Variants in CNTN4 observed in about 807,000 individuals in gnomAD.
The protein encoded by CNTN4 is contactin 4.
A neutral mutation model predicts 122.5 loss-of-function variants in CNTN4; 77 were observed. The ratio of observed to expected loss-of-function variants is 0.63; its 90% CI spans 0.52 to 0.76. The LOEUF is 0.76. Ranked by LOEUF, CNTN4 falls within the 30% of genes least tolerant of loss-of-function variation. The pLI is 0.00. For synonymous variants in CNTN4, 512 were observed against 447.0 expected (o/e 1.15, Z -1.83); for missense variants, 1,256 against 1,259.1 (o/e 1.00, Z 0.04).
chr3:2,903,768 T>A (rs1161096738), intron 12 of CNTN4, among the ~76,000 whole-genome samples: 1 of 152,196 alleles, frequency 6.6e-6, no homozygotes, highest in Non-Finnish European at 1.5e-5. Context: ...TCTTTCTATC[T>A]TTTTCTTCCA....
At chr3:2,916,245 C>T (rs553954712) in intron 12 of CNTN4, among the ~76,000 whole-genome samples, 3 of 149,660 alleles carry the variant, frequency 2.0e-5, no homozygotes, top group South Asian at 4.3e-4. Flanking sequence ...GGGTGTTTCT[C>T]CGAGAGGGGG....
At chr3:2,851,490 C>T (rs1299362399) in intron 7 of CNTN4, among the ~76,000 whole-genome samples, 1 of 152,220 alleles carries the variant, frequency 6.6e-6, no homozygotes, top group Non-Finnish European at 1.5e-5. Flanking sequence ...TCTCAAAACC[C>T]TAACACAGCA....
In CNTN4 at chr3:2,385,952, C is replaced by T. The variant is rs934528344; in HGVS notation, c.-89+46719C>T. Among the ~76,000 whole-genome samples the T allele has an allele frequency of 7.2e-5, 11 of 152,122 alleles. No homozygotes were observed. The highest frequency in any genetic ancestry group is 6.6e-5 in the Admixed American group (1 of 15,262). ...TGCATTCTCACTCAGCAGTCGCTCCCGAGAATCCTTCTTTTTATGTTCAGA... is the reference window on the plus strand; with the variant it reads ...TGCATTCTCACTCAGCAGTCGCTCCTGAGAATCCTTCTTTTTATGTTCAGA... On this transcript the variant is annotated intron_variant, in intron 3 of 24. Coordinates refer to ENST00000418658, the MANE Select transcript of CNTN4 (RefSeq NM_175607.3). The surrounding 1 kb of genome is among the most constrained non-coding windows in gnomAD (Gnocchi z 4.0).
intron 7 of CNTN4, among the ~76,000 whole-genome samples, chr3:2,849,380 C>A (rs2093508750): frequency 6.6e-6 from 1 of 152,190 alleles, no homozygotes; most frequent in Non-Finnish European, 1.5e-5. Flanking sequence ...TGGCACTGAA[C>A]TGTGCACTTA....
At chr3:2,674,065 C>T (rs1339520573) in intron 4 of CNTN4, among the ~76,000 whole-genome samples, 2 of 152,098 alleles carry the variant, frequency 1.3e-5, no homozygotes, top group Non-Finnish European at 2.9e-5. Flanking sequence ...AATGTAGCCA[C>T]GTAAGTGAGC....
At position 2,170,663 on chromosome 3, in the gene CNTN4, A is replaced by G. The variant is rs967898546; in HGVS notation, c.-145+70024A>G. Reference sequence around the variant, plus strand: ...AACCTAAATTTGATTTGGAGAAAAAAGTGGGTAGAGAAATGTAGGGAGTGA... The same window carrying G: ...AACCTAAATTTGATTTGGAGAAAAAGGTGGGTAGAGAAATGTAGGGAGTGA... On this transcript the variant is annotated intron_variant, in intron 2 of 24. Coordinates refer to ENST00000418658, the MANE Select transcript of CNTN4 (RefSeq NM_175607.3). 9.8e-5 allele frequency among the ~76,000 whole-genome samples: 15 copies of G among 152,294 alleles called. No homozygotes were observed. In the East Asian group the frequency reaches 2.3e-3, roughly 24 times the overall value.
intron 4 of CNTN4, among the ~76,000 whole-genome samples, chr3:2,725,370 C>A (rs374397919): frequency 9.1e-4 from 139 of 152,244 alleles, no homozygotes; most frequent in African/African-American, 3.2e-3. Context: ...GGAAAGGCCA[C>A]GGAATCCTAT....
chr3:2,799,650 G>A (rs1006019963), intron 6 of CNTN4, among the ~76,000 whole-genome samples: 10 of 152,200 alleles, frequency 6.6e-5, no homozygotes, highest in Non-Finnish European at 1.3e-4. Flanking sequence ...TTTCAGTAGA[G>A]ACGGAATTTC....
chr3:2,620,455 G>A (rs898000358), intron 4 of CNTN4, among the ~76,000 whole-genome samples: 5 of 152,084 alleles, frequency 3.3e-5, no homozygotes, highest in Non-Finnish European at 5.9e-5. Flanking sequence ...AGCCATGATC[G>A]TGCCACTGTG....
chr3:2,940,735 G>A (rs906594993), intron 13 of CNTN4, among the ~76,000 whole-genome samples: 1 of 65,136 alleles, frequency 1.5e-5, no homozygotes, highest in Non-Finnish European at 3.6e-5. Flanking sequence ...AGAAGTTAAG[G>A]GTAAAAGGAG....
At chr3:2,823,338 C>T (rs566415401) in intron 7 of CNTN4, among the ~76,000 whole-genome samples, 5 of 152,264 alleles carry the variant, frequency 3.3e-5, no homozygotes, top group Admixed American at 2.0e-4. Flanking sequence ...TGTCCTATTT[C>T]GAAAGCTGTG....
At position 2,287,696 on chromosome 3, in the gene CNTN4, A is replaced by G. The variant is rs1277733705; in HGVS notation, c.-144-51482A>G. ...AAGAAGAAGAAGAAGAAGAAGAGGAAGAAGAAGAAGAAGAGGAAGAAGAAG... is the reference window on the plus strand; with the variant it reads ...AAGAAGAAGAAGAAGAAGAAGAGGAGGAAGAAGAAGAAGAGGAAGAAGAAG... On this transcript the variant is annotated intron_variant, in intron 2 of 24. Transcript: ENST00000418658. Among the ~76,000 whole-genome samples the G allele has an allele frequency of 1.6e-4, 11 of 68,312 alleles. 1 individual carries two copies. Among genetic ancestry groups the G allele is most frequent in the Middle Eastern group, 6.2e-3 (1 of 162 alleles). 44.8% of individuals were successfully genotyped at this position (68,312 alleles called of 152,430 possible). A position where few individuals can be genotyped will look rare whatever the true frequency, so the allele number is the denominator to read the frequency against.
intron 3 of CNTN4, among the ~76,000 whole-genome samples, chr3:2,523,458 A>G (rs1223462061): frequency 6.6e-6 from 1 of 152,038 alleles, no homozygotes; most frequent in African/African-American, 2.4e-5. Flanking sequence ...CATCAAGTGA[A>G]GGTACATTCA....
chr3:2,529,021 G>A lies in CNTN4; in HGVS notation c.-88-42395G>A, dbSNP rs923541668. Among the ~76,000 whole-genome samples the A allele has an allele frequency of 7.9e-5, 12 of 151,986 alleles. No individual in the cohort carries two copies. The South Asian group carries it at 1.0e-3, about 13-fold the overall frequency. On this transcript the variant is annotated intron_variant, in intron 3 of 24. Transcript: ENST00000418658. The stretch of plus-strand genomic sequence containing the variant: ...TAAATTATTGTTAGCTATGGTACTC[G>A]TACAGTGCTATGGAACAGTACAACT...
intron 3 of CNTN4, among the ~76,000 whole-genome samples, chr3:2,502,542 T>G (rs2076624601): frequency 6.6e-6 from 1 of 152,100 alleles, no homozygotes; most frequent in African/African-American, 2.4e-5. Flanking sequence ...CCACCATCAG[T>G]GGATGGAACC....
intron 4 of CNTN4, among the ~76,000 whole-genome samples, chr3:2,719,625 T>C (rs758810488): frequency 2.6e-5 from 4 of 152,154 alleles, no homozygotes; most frequent in Non-Finnish European, 4.4e-5. Context: ...GGTTTCACCA[T>C]GTTGGCCAGG....
intron 13 of CNTN4, among the ~76,000 whole-genome samples, chr3:2,955,077 A>C (rs1018041559): frequency 6.6e-5 from 10 of 152,162 alleles, no homozygotes; most frequent in Non-Finnish European, 1.3e-4. Context: ...AAGCAGAAAT[A>C]GTCAAGAGGG....
intron 4 of CNTN4, among the ~76,000 whole-genome samples, chr3:2,610,755 A>G (rs2081446701): frequency 6.6e-6 from 1 of 152,186 alleles, no homozygotes; most frequent in Admixed American, 6.5e-5. Flanking sequence ...AACTATAAAC[A>G]TACAGCCAAG....
At chr3:2,151,386 G>C (rs940813444) in intron 2 of CNTN4, among the ~76,000 whole-genome samples, 4 of 152,204 alleles carry the variant, frequency 2.6e-5, no homozygotes, top group African/African-American at 9.6e-5. Flanking sequence ...TCTGAACAAA[G>C]AAGTATCCAG....
Sources: allele counts gnomAD v4.1 joint callset (sites outside exome capture counted in the v4.1 genomes callset), GRCh38; gene constraint gnomAD v4.1.1; non-coding constraint Gnocchi (gnomAD v3.1); transcripts MANE v1.5; gene names NCBI Gene and HGNC (gene_info 2026-07-23, HGNC 2026-07-21).